ADCK1: variants seen among roughly 807,000 people sequenced by gnomAD.
ADCK1 encodes aarF domain containing kinase 1.
ADCK1 carries 41 observed loss-of-function variants against 52.3 expected under a neutral mutation model. The ratio of observed to expected loss-of-function variants is 0.78; its 90% CI spans 0.61 to 1.02. The LOEUF is 1.02. Among genes scored for constraint, ADCK1 ranks in the 50% least tolerant of loss-of-function variants. The pLI, the probability that ADCK1 is intolerant of heterozygous loss-of-function variation, is 0.00. For synonymous variants in ADCK1, 250 were observed against 274.6 expected (o/e 0.91, Z 0.89); for missense variants, 658 against 679.5 (o/e 0.97, Z 0.35).
chr14:77,860,961 G>A (rs1484949899), intron 4 of ADCK1, among the ~76,000 whole-genome samples: 1 of 152,162 alleles, frequency 6.6e-6, no homozygotes, highest in African/African-American at 2.4e-5. Flanking sequence ...ACAAGGGCAG[G>A]TTAGTGGCTG....
At chr14:77,839,531 C>T (rs540779818) in intron 3 of ADCK1, among the ~76,000 whole-genome samples, 4 of 152,106 alleles carry the variant, frequency 2.6e-5, no homozygotes, top group Admixed American at 2.0e-4. Flanking sequence ...GTGACCCCAA[C>T]CCTCCCCGTG....
chr14:77,899,399 C>T, intron 6 of ADCK1, 141 bp downstream of exon 6: 1 of 1,154,154 alleles, frequency 8.7e-7, no homozygotes, highest in South Asian at 1.5e-5. Flanking sequence ...TGAATGACAT[C>T]ACTGGTGATG....
chr14:77,921,346 A>AAAAAAAAAAAAAAAG, intron 7 of ADCK1, among the ~76,000 whole-genome samples: 1 of 149,058 alleles, frequency 6.7e-6, no homozygotes, highest in South Asian at 2.1e-4. Flanking sequence ...AAAAAAAAAA[A>AAAAAAAAAAAAAAAG]AAGAAAAAAA....
At chr14:77,827,130 G>A (rs1188838451) in intron 3 of ADCK1, among the ~76,000 whole-genome samples, 1 of 151,562 alleles carries the variant, frequency 6.6e-6, no homozygotes, top group Non-Finnish European at 1.5e-5. Flanking sequence ...GAGGTGGGTG[G>A]ATCACGAGGT....
At chr14:77,930,162 G>A (rs1285770252) in intron 9 of ADCK1, among the ~76,000 whole-genome samples, 1 of 152,056 alleles carries the variant, frequency 6.6e-6, no homozygotes, top group Non-Finnish European at 1.5e-5. Context: ...TGGTGAGCAG[G>A]GGACTTGTAG....
intron 4 of ADCK1, among the ~76,000 whole-genome samples, chr14:77,885,529 AT>A (rs2083129155): frequency 6.6e-6 from 1 of 152,170 alleles, no homozygotes; most frequent in South Asian, 2.1e-4. Flanking sequence ...GGAGGGAGTG[AT>A]TTATGAGACG....
chr14:77,864,783 C>A (rs975977706), intron 4 of ADCK1, among the ~76,000 whole-genome samples: 4 of 152,136 alleles, frequency 2.6e-5, no homozygotes, highest in Non-Finnish European at 4.4e-5. Flanking sequence ...AGTCCAAAAT[C>A]TGCAGAGTGG....
chr14:77,820,083 C>T (rs138030651), intron 2 of ADCK1, among the ~76,000 whole-genome samples: 1 of 152,156 alleles, frequency 6.6e-6, no homozygotes, highest in Non-Finnish European at 1.5e-5. Flanking sequence ...CATTGTCTTA[C>T]ATGCTTTGAG....
intron 3 of ADCK1, among the ~76,000 whole-genome samples, chr14:77,849,395 C>T (rs979395823): frequency 6.6e-6 from 1 of 152,086 alleles, no homozygotes; most frequent in African/African-American, 2.4e-5. Context: ...TCTAATTTAC[C>T]TTTGATTCTT....
Position 77,933,401 on chromosome 14 carries a change from C to T in ADCK1, c.*10C>T, listed in dbSNP as rs2084386501. 1 of 1,613,026 alleles carries T rather than the reference C, an allele frequency of 6.2e-7. No individual in the cohort carries two copies. The highest frequency in any genetic ancestry group is 1.3e-5 in the African/African-American group (1 of 74,890). Reference sequence around the variant, plus strand: ...CCCTGCTCCACTCTGAGTGGAATTGCTCTCCCTGCCCCATTCTGGTGTCTT... The same window carrying T: ...CCCTGCTCCACTCTGAGTGGAATTGTTCTCCCTGCCCCATTCTGGTGTCTT... On this transcript the variant is annotated 3_prime_UTR_variant, in exon 11 of 11. Transcript: ENST00000238561.
At chr14:77,835,572 T>C in intron 3 of ADCK1, among the ~76,000 whole-genome samples, 1 of 152,238 alleles carries the variant, frequency 6.6e-6, no homozygotes, top group East Asian at 1.9e-4. Context: ...ATCAGTCACC[T>C]GGGGAGCCTT....
At chr14:77,878,275 G>A (rs1284111302) in intron 4 of ADCK1, among the ~76,000 whole-genome samples, 7 of 152,210 alleles carry the variant, frequency 4.6e-5, no homozygotes, top group Admixed American at 1.3e-4. Context: ...GATCCATAGC[G>A]AATATATTCT....
At chr14:77,823,230 G>T (rs1489584789) in intron 3 of ADCK1, among the ~76,000 whole-genome samples, 1 of 152,212 alleles carries the variant, frequency 6.6e-6, no homozygotes, top group East Asian at 1.9e-4. Context: ...AGATACCTTT[G>T]GCTCCTCCAG....
intron 1 of ADCK1, among the ~76,000 whole-genome samples, chr14:77,817,659 C>G (rs1053293937): frequency 3.3e-5 from 5 of 152,074 alleles, no homozygotes; most frequent in Non-Finnish European, 5.9e-5. Flanking sequence ...AAAAACTCCA[C>G]AGGACTGTGA....
chr14:77,821,855 A>G (rs985982291), intron 2 of ADCK1, among the ~76,000 whole-genome samples: 4 of 139,650 alleles, frequency 2.9e-5, no homozygotes, highest in African/African-American at 8.2e-5. Flanking sequence ...ATGCCAGTGC[A>G]CTCCAGCCTG....
At chr14:77,868,409 C>T (rs763825887) in intron 4 of ADCK1, among the ~76,000 whole-genome samples, 1 of 152,230 alleles carries the variant, frequency 6.6e-6, no homozygotes, top group Non-Finnish European at 1.5e-5. Flanking sequence ...GTCAGAGCCA[C>T]CCAGTGGGCC....
At chr14:77,889,822 A>G (rs1388245720) in intron 5 of ADCK1, among the ~76,000 whole-genome samples, 2 of 151,650 alleles carry the variant, frequency 1.3e-5, no homozygotes. Flanking sequence ...ATGTATGAGT[A>G]AAGATACTTT....
At chr14:77,900,407 T>C (rs919897666) in intron 6 of ADCK1, among the ~76,000 whole-genome samples, 1 of 152,052 alleles carries the variant, frequency 6.6e-6, no homozygotes, top group East Asian at 1.9e-4. Flanking sequence ...GCCAACATGG[T>C]GAAACCCTGT....
chr14:77,926,767 T>G (rs2084206385), intron 9 of ADCK1, among the ~76,000 whole-genome samples: 1 of 152,192 alleles, frequency 6.6e-6, no homozygotes, highest in South Asian at 2.1e-4. Context: ...TCATGGAGTC[T>G]GGGCTGGGAG....
Sources: allele counts gnomAD v4.1 joint callset (sites outside exome capture counted in the v4.1 genomes callset), GRCh38; gene constraint gnomAD v4.1.1; transcripts MANE v1.5; gene names NCBI Gene and HGNC (gene_info 2026-07-23, HGNC 2026-07-21).